NUDCD3: variants seen among roughly 807,000 people sequenced by gnomAD.
NUDCD3 encodes nudC domain-containing protein 3.
In NUDCD3, 13 loss-of-function variants were observed where a neutral mutation model predicts 39.7. That is an observed-to-expected ratio of 0.33 (90% CI 0.21 to 0.52). The LOEUF is 0.52. NUDCD3 is among the 20% of genes least tolerant of loss of function. NUDCD3 has a pLI of 0.96. For missense variants in NUDCD3, 453 were observed against 458.1 expected (o/e 0.99, Z 0.10); for synonymous variants, 175 against 172.4 (o/e 1.02, Z -0.12).
At chr7:44,412,517 C>T (rs1335598173) in intron 3 of NUDCD3, among the ~76,000 whole-genome samples, 7 of 152,178 alleles carry the variant, frequency 4.6e-5, no homozygotes, top group African/African-American at 1.4e-4. Flanking sequence ...GTAAGTGATA[C>T]AATTCATACT....
chr7:44,415,454 T>G (rs1204507173), intron 3 of NUDCD3, among the ~76,000 whole-genome samples: 3 of 152,238 alleles, frequency 2.0e-5, no homozygotes, highest in African/African-American at 7.2e-5. Flanking sequence ...AAGCTTCATT[T>G]TGAGAAGTTT....
chr7:44,481,880 G>C (rs564673603), intron 2 of NUDCD3, among the ~76,000 whole-genome samples: 3 of 152,268 alleles, frequency 2.0e-5, no homozygotes, highest in South Asian at 2.1e-4. Context: ...ATTTGAGAGA[G>C]TTCTCTCACC....
At chr7:44,426,931 C>T (rs1424503314) in intron 3 of NUDCD3, among the ~76,000 whole-genome samples, 1 of 152,144 alleles carries the variant, frequency 6.6e-6, no homozygotes, top group African/African-American at 2.4e-5. Context: ...GAGCTCTCTC[C>T]TGTGATTAAA....
chr7:44,488,556 G>C (rs919027380), intron 1 of NUDCD3, among the ~76,000 whole-genome samples: 2 of 151,948 alleles, frequency 1.3e-5, no homozygotes, highest in East Asian at 1.9e-4. Flanking sequence ...AGTTGCTCTA[G>C]CTCCCAAAAG....
At chr7:44,471,580 G>A (rs1372768263) in intron 2 of NUDCD3, among the ~76,000 whole-genome samples, 1 of 152,184 alleles carries the variant, frequency 6.6e-6, no homozygotes, top group Admixed American at 6.5e-5. Context: ...GTTTGCACAG[G>A]AAAGGCACAT....
At chr7:44,390,040 C>G in intron 5 of NUDCD3, among the ~76,000 whole-genome samples, 1 of 152,128 alleles carries the variant, frequency 6.6e-6, no homozygotes, top group East Asian at 1.9e-4. Flanking sequence ...CCAGAGCATC[C>G]TAGCTTCTCT....
At chr7:44,402,802 C>T (rs998068583) in intron 4 of NUDCD3, 36 of 427,050 alleles carry the variant, frequency 8.4e-5, no homozygotes, top group African/African-American at 2.4e-4. Context: ...CCCAGGATCA[C>T]GGGCTCACTA....
At position 44,389,035 on chromosome 7, in the gene NUDCD3, C is replaced by A. The variant is rs369283000; in HGVS notation, c.976-2914G>T. Among the ~76,000 whole-genome samples the A allele has an allele frequency of 7.9e-5, 12 of 152,348 alleles. No homozygotes were observed. In the East Asian group the frequency reaches 1.3e-3, roughly 17 times the overall value. On this transcript the variant is annotated intron_variant, in intron 5 of 5. Transcript: ENST00000355451. ...GCAGGCACAGGGACTTTCTGTTCCACGCCTGGGCTATGCAGTGCCCTAGGG... is the reference window on the plus strand; with the variant it reads ...GCAGGCACAGGGACTTTCTGTTCCAAGCCTGGGCTATGCAGTGCCCTAGGG...
chr7:44,417,961 C>G (rs1799059205), intron 3 of NUDCD3, among the ~76,000 whole-genome samples: 1 of 152,194 alleles, frequency 6.6e-6, no homozygotes, highest in South Asian at 2.1e-4. Context: ...CAGCAACTCA[C>G]TGATCTGTGC....
At chr7:44,430,210 G>C (rs1326297297) in intron 2 of NUDCD3, among the ~76,000 whole-genome samples, 1 of 152,132 alleles carries the variant, frequency 6.6e-6, no homozygotes, top group African/African-American at 2.4e-5. Flanking sequence ...ACAGGAGACA[G>C]TGATGCACCC....
At chr7:44,414,644 T>C (rs1273345574) in intron 3 of NUDCD3, among the ~76,000 whole-genome samples, 1 of 152,248 alleles carries the variant, frequency 6.6e-6, no homozygotes, top group Non-Finnish European at 1.5e-5. Context: ...TTTGTGTTGT[T>C]ATACAAGTTT....
chr7:44,484,820 C>T, intron 2 of NUDCD3, 148 bp downstream of exon 2: 1 of 669,828 alleles, frequency 1.5e-6, no homozygotes, highest in Non-Finnish European at 2.5e-6. Flanking sequence ...AACTGAAAGA[C>T]TGTAATGCAG....
Position 44,485,024 on chromosome 7 carries a change from A to G in NUDCD3, c.453T>C (p.Ala151=). ...CAGCAGCACCAGCAACTGCTCCTGG[A>G]GCTTCTGCCTCCTGTGAACCATGGG... ...EMAHGSQEAE[A]PGAVAGAAEV... Residue 151 remains alanine (A), a synonymous_variant, in exon 2 of 6, where the codon GCT becomes GCC. Coordinates refer to ENST00000355451, the MANE Select transcript of NUDCD3 (RefSeq NM_015332.4). The G allele has an allele frequency of 6.2e-7, 1 of 1,614,170 alleles. No homozygotes were observed. Among genetic ancestry groups the G allele is most frequent in the Non-Finnish European group, 8.5e-7 (1 of 1,180,006 alleles).
rs1585045891 is a variant in NUDCD3, at chr7:44,385,952, G to A, written c.*59C>T. On this transcript the variant is annotated 3_prime_UTR_variant, in exon 6 of 6. Transcript: ENST00000355451. ...CCCTGGAATGCAGGGAGCCAAGAAG[G>A]GCAGCCGAGGATAAGGCTCTGCCTC... 1.2e-6 allele frequency: 1 copy of A among 861,238 alleles called. No homozygotes were observed. Among genetic ancestry groups the A allele is most frequent in the East Asian group, 2.4e-5 (1 of 41,254 alleles). The allele number at this position is 861,238 out of a possible 1,614,324, so 53.3% of individuals were successfully genotyped here. A position where few individuals can be genotyped will look rare whatever the true frequency, so the allele number is the denominator to read the frequency against.
intron 4 of NUDCD3, among the ~76,000 whole-genome samples, chr7:44,404,129 ACT>A (rs1177317792): frequency 1.3e-5 from 2 of 151,980 alleles, no homozygotes; most frequent in Non-Finnish European, 2.9e-5. Flanking sequence ...GAATTTATTA[ACT>A]CTGTACCCTC....
intron 2 of NUDCD3, among the ~76,000 whole-genome samples, chr7:44,431,349 T>C (rs550867219): frequency 5.5e-4 from 84 of 152,292 alleles, no homozygotes; most frequent in Admixed American, 1.0e-3. Flanking sequence ...AGGTTCTAAA[T>C]GTGTTAAAGG....
chr7:44,411,827 C>G (rs969897279), intron 3 of NUDCD3, among the ~76,000 whole-genome samples: 2 of 152,148 alleles, frequency 1.3e-5, no homozygotes, highest in Non-Finnish European at 2.9e-5. Flanking sequence ...AAACATATGT[C>G]CAGAGAACTG....
rs1554493671 is a variant in NUDCD3, at chr7:44,456,043, A to AAC, written c.510-28341_510-28340insGT. On this transcript the variant is annotated intron_variant, in intron 2 of 5. Coordinates refer to ENST00000355451, the MANE Select transcript of NUDCD3 (RefSeq NM_015332.4). ...TCCGTCTCAAAAAAAAAAAAAAAAA[A>AAC]AAAAAAACAAAAAAACAAACAACAA... Among the ~76,000 whole-genome samples the AAC allele has an allele frequency of 5.6e-4, 77 of 137,924 alleles. 1 individual carries two copies. The highest frequency in any genetic ancestry group is 1.9e-3 in the African/African-American group (70 of 37,780). The allele number at this position is 137,924 out of a possible 152,430, so 90.5% of individuals were successfully genotyped here.
chr7:44,477,610 C>T (rs1026876469), intron 2 of NUDCD3, among the ~76,000 whole-genome samples: 2 of 152,102 alleles, frequency 1.3e-5, no homozygotes, highest in African/African-American at 2.4e-5. Flanking sequence ...CAAACCCTAC[C>T]GTGAGGTCAT....
Sources: allele counts gnomAD v4.1 joint callset (sites outside exome capture counted in the v4.1 genomes callset), GRCh38; gene constraint gnomAD v4.1.1; transcripts MANE v1.5; gene names NCBI Gene and HGNC (gene_info 2026-07-23, HGNC 2026-07-21).